The following MSH4 variants were observed in gnomAD, a reference collection of about 807,000 sequenced individuals.
MSH4 encodes mutS homolog 4.
A neutral mutation model predicts 113.7 loss-of-function variants in MSH4; 106 were observed. The ratio of observed to expected loss-of-function variants is 0.93; its 90% CI spans 0.80 to 1.10. The LOEUF is 1.10. Ranked by LOEUF, MSH4 falls within the 50% of genes least tolerant of loss-of-function variation. The pLI is 0.00. For synonymous variants in MSH4, 368 were observed against 380.2 expected (o/e 0.97, Z 0.37); for missense variants, 1,061 against 1,093.7 (o/e 0.97, Z 0.42).
chr1:75,878,926 G>T, intron 11 of MSH4, 66 bp from the exon 12 acceptor site: 2 of 1,381,094 alleles, frequency 1.4e-6, no homozygotes, highest in Non-Finnish European at 1.0e-6. Context: ...TTAAAACAGA[G>T]TGATTTTTCT....
intron 15 of MSH4, among the ~76,000 whole-genome samples, chr1:75,884,999 ATG>A (rs1214035497): frequency 2.6e-4 from 38 of 144,564 alleles, no homozygotes; most frequent in African/African-American, 7.2e-4. Flanking sequence ...GTGTATATAT[ATG>A]TGTGTGTGTA....
chr1:75,883,907 A>G lies in MSH4; in HGVS notation c.2107+86A>G, dbSNP rs1651990247. ...TAATTTTTTTAGGGCCATGTGCCTA[A>G]TTAACCCAAGAACAGTTTGGAGCAG... On this transcript the variant is annotated intron_variant, in intron 15 of 19. Coordinates refer to ENST00000263187, the MANE Select transcript of MSH4 (RefSeq NM_002440.4). The G allele has an allele frequency of 2.7e-6, 3 of 1,102,508 alleles. No individual in the cohort carries two copies. In the East Asian group the frequency reaches 7.1e-5, roughly 26 times the overall value. The allele number at this position is 1,102,508 out of a possible 1,614,324, so 68.3% of individuals were successfully genotyped here.
intron 8 of MSH4, among the ~76,000 whole-genome samples, chr1:75,863,234 T>C (rs551786385): frequency 2.7e-4 from 41 of 152,158 alleles, no homozygotes; most frequent in Non-Finnish European, 5.4e-4. Context: ...GAATTACAGC[T>C]CTGATCCAAA....
intron 1 of MSH4, among the ~76,000 whole-genome samples, chr1:75,797,877 G>A (rs1649853796): frequency 6.6e-6 from 1 of 152,158 alleles, no homozygotes; most frequent in Non-Finnish European, 1.5e-5. Context: ...CCGGGAGGTC[G>A]AGGCTGCCGT....
At chr1:75,890,614 G>T in intron 16 of MSH4, 82 bp from the exon 17 acceptor site, 1 of 663,038 alleles carries the variant, frequency 1.5e-6, no homozygotes, top group Non-Finnish European at 2.4e-6. Flanking sequence ...CTTATAAAGA[G>T]ACTGGGTTTC....
chr1:75,900,084 C>T (rs770863606), intron 19 of MSH4, among the ~76,000 whole-genome samples: 9 of 151,946 alleles, frequency 5.9e-5, no homozygotes, highest in Non-Finnish European at 1.0e-4. Context: ...AGCTTTTCTA[C>T]TCATCATATG....
chr1:75,851,176 C>T (rs188880192), intron 8 of MSH4, among the ~76,000 whole-genome samples: 28 of 151,576 alleles, frequency 1.8e-4, no homozygotes, highest in African/African-American at 6.5e-4. Flanking sequence ...ATTACATTTA[C>T]ACTTAATAAG....
At chr1:75,888,309 T>G (rs1383511323) in intron 15 of MSH4, among the ~76,000 whole-genome samples, 1 of 151,986 alleles carries the variant, frequency 6.6e-6, no homozygotes, top group Non-Finnish European at 1.5e-5. Flanking sequence ...TTGTATATTT[T>G]ATCTTCTTAT....
At chr1:75,888,407 A>G (rs1246434293) in intron 15 of MSH4, among the ~76,000 whole-genome samples, 2 of 152,062 alleles carry the variant, frequency 1.3e-5, no homozygotes, top group Non-Finnish European at 2.9e-5. Flanking sequence ...AATATTTTAG[A>G]TGAGTTAGCA....
rs529139933 is a variant in MSH4, at chr1:75,813,089, A to G, written c.700-1932A>G. On this transcript the variant is annotated intron_variant, in intron 4 of 19. Transcript: ENST00000263187. ...ATGAGATTTAAGAAGATGATTGCTA[A>G]TGGCTCAAGGCTGATGTCATCTCAG... 2.0e-5 allele frequency among the ~76,000 whole-genome samples: 3 copies of G among 152,268 alleles called. No homozygotes were observed. The South Asian group carries it at 6.2e-4, about 32-fold the overall frequency.
intron 17 of MSH4, 68 bp from the exon 18 acceptor site, chr1:75,897,839 A>G: frequency 2.0e-6 from 2 of 1,025,634 alleles, no homozygotes; most frequent in Non-Finnish European, 1.3e-6. Context: ...TTATGTTCAC[A>G]TAGTTAAAAT....
At chr1:75,830,777 C>T (rs957206956) in intron 7 of MSH4, among the ~76,000 whole-genome samples, 1 of 152,176 alleles carries the variant, frequency 6.6e-6, no homozygotes, top group African/African-American at 2.4e-5. Context: ...CTTACAAGAG[C>T]TCCTGAAGAA....
chr1:75,852,256 A>G (rs1001466865), intron 8 of MSH4, among the ~76,000 whole-genome samples: 2 of 152,224 alleles, frequency 1.3e-5, no homozygotes, highest in African/African-American at 4.8e-5. Context: ...TTGTATGGAT[A>G]TAACACATTT....
At chr1:75,896,394 C>CACACACA (rs571761055) in intron 17 of MSH4, among the ~76,000 whole-genome samples, 5 of 147,282 alleles carry the variant, frequency 3.4e-5, no homozygotes, top group Admixed American at 6.9e-5. Flanking sequence ...CACACACACA[C>CACACACA]CCTATTGGTC....
chr1:75,808,155 A>G (rs1650108928), intron 3 of MSH4, among the ~76,000 whole-genome samples: 1 of 152,234 alleles, frequency 6.6e-6, no homozygotes, highest in African/African-American at 2.4e-5. Context: ...GGTGACCCAT[A>G]GAAGTTTTTG....
chr1:75,874,553 C>T (rs1022548704), intron 9 of MSH4, among the ~76,000 whole-genome samples: 1 of 152,110 alleles, frequency 6.6e-6, no homozygotes, highest in African/African-American at 2.4e-5. Flanking sequence ...AACTCCTGGG[C>T]TCAAGCAATC....
At chr1:75,886,989 A>G (rs1652139315) in intron 15 of MSH4, among the ~76,000 whole-genome samples, 1 of 151,624 alleles carries the variant, frequency 6.6e-6, no homozygotes, top group South Asian at 2.1e-4. Flanking sequence ...GGGCTTCAAT[A>G]AATAGGTATT....
Position 75,810,914 on chromosome 1 carries a change from C to A in MSH4, c.699+107C>A, listed in dbSNP as rs1650177069. 1.5e-5 allele frequency: 8 copies of A among 516,892 alleles called. No individual in the cohort carries two copies. In the East Asian group the frequency reaches 3.4e-4, roughly 22 times the overall value. The allele number at this position is 516,892 out of a possible 1,614,324, so 32.0% of individuals were successfully genotyped here. A position where few individuals can be genotyped will look rare whatever the true frequency, so the allele number is the denominator to read the frequency against. On this transcript the variant is annotated intron_variant, in intron 4 of 19. Transcript: ENST00000263187. ...TGAGACAGAGTTTCACTCTGTCACCCAGGCTGGAGTGAAAGGGCGTGATCT... is the reference window on the plus strand; with the variant it reads ...TGAGACAGAGTTTCACTCTGTCACCAAGGCTGGAGTGAAAGGGCGTGATCT...
chr1:75,880,302 C>T, intron 13 of MSH4, 149 bp downstream of exon 13: 1 of 555,380 alleles, frequency 1.8e-6, no homozygotes, highest in Non-Finnish European at 3.2e-6. Flanking sequence ...TGATTAGAAT[C>T]ACTGAGCCTC....
Sources: gnomAD v4.1 joint callset for allele counts (sites outside exome capture counted in the v4.1 genomes callset) on GRCh38, gnomAD v4.1.1 for gene constraint, MANE v1.5 for transcripts, NCBI Gene and HGNC (gene_info 2026-07-23, HGNC 2026-07-21) for gene names.